BCL11B: variants seen among roughly 807,000 people sequenced by gnomAD.
The protein encoded by BCL11B is B-cell lymphoma/leukemia 11B.
BCL11B carries 8 observed loss-of-function variants against 49.9 expected under a neutral mutation model. The observed-to-expected ratio is 0.16, with a 90% confidence interval of 0.09 to 0.29. The LOEUF (loss-of-function observed/expected upper bound fraction) is 0.29, where lower values mean the gene tolerates loss of function less well. Ranked by LOEUF, BCL11B falls within the 10% of genes least tolerant of loss-of-function variation. The probability of loss-of-function intolerance (pLI) is 1.00; values close to 1 mark genes in which losing one functional copy is unlikely to be tolerated. For missense variants in BCL11B, 1,006 were observed against 1,351.0 expected (o/e 0.74, Z 4.00); for synonymous variants, 739 against 637.4 (o/e 1.16, Z -2.40).
Position 99,231,434 on chromosome 14 carries a change from G to C in BCL11B, c.551C>G (p.Pro184Arg), listed in dbSNP as rs368885255. 2 of 1,595,672 alleles carry C rather than the reference G, an allele frequency of 1.3e-6. No individual in the cohort carries two copies. Among genetic ancestry groups the C allele is most frequent in the South Asian group, 2.3e-5 (2 of 88,184 alleles). ...LGALPPCLPL[P>R]CCSARPVSGD... ...CGAGACCGGGCGCGCGCTGCAGCAC[G>C]GCAGGGGGAGGCAGGGCGGGAGAGC... Residue 184 changes from proline (P) to arginine (R), a missense_variant, in exon 3 of 4, where the codon CCG (proline) becomes CGG (arginine). Physicochemically the swap from Pro to Arg is moderately radical, Grantham distance 103. Transcript: ENST00000357195. The surrounding 1 kb of genome is among the most constrained non-coding windows in gnomAD (Gnocchi z 8.1).
At chr14:99,251,854 C>T (rs1253364228) in intron 2 of BCL11B, among the ~76,000 whole-genome samples, 2 of 152,174 alleles carry the variant, frequency 1.3e-5, no homozygotes, top group African/African-American at 2.4e-5. Context: ...ATACCCATCC[C>T]CAAAATCCTC....
chr14:99,255,405 GAAAA>G (rs67440207), intron 2 of BCL11B, among the ~76,000 whole-genome samples: 11,939 of 64,528 alleles, frequency 0.19, 502 homozygotes, highest in African/African-American at 0.28. Flanking sequence ...TCACAACCTG[GAAAA>G]AAAAAAAAAA....
At chr14:99,239,539 G>A (rs1213870268) in intron 2 of BCL11B, among the ~76,000 whole-genome samples, 1 of 152,078 alleles carries the variant, frequency 6.6e-6, no homozygotes, top group Non-Finnish European at 1.5e-5. Flanking sequence ...GCTGGGGGTG[G>A]GAGTGGAAAT....
intron 2 of BCL11B, among the ~76,000 whole-genome samples, chr14:99,245,945 G>A (rs963770599): frequency 3.3e-5 from 5 of 151,854 alleles, no homozygotes; most frequent in Admixed American, 2.6e-4. Flanking sequence ...GGGGACCGAC[G>A]GGGGCGGGGG....
At chr14:99,244,594 C>T (rs1010048971) in intron 2 of BCL11B, among the ~76,000 whole-genome samples, 1 of 152,152 alleles carries the variant, frequency 6.6e-6, no homozygotes, top group Non-Finnish European at 1.5e-5. Flanking sequence ...GAGAAATCAG[C>T]GAGCAAGTTC....
chr14:99,201,074 C>T (rs1162332222), intron 3 of BCL11B, among the ~76,000 whole-genome samples: 1 of 152,214 alleles, frequency 6.6e-6, no homozygotes, highest in African/African-American at 2.4e-5. Context: ...CCCACCAGGC[C>T]TCCAGCATTT....
chr14:99,191,989 A>G (rs934605264), intron 3 of BCL11B, among the ~76,000 whole-genome samples: 1 of 152,210 alleles, frequency 6.6e-6, no homozygotes, highest in Non-Finnish European at 1.5e-5. Context: ...TGATTTTTTT[A>G]AAAAACACGA....
intron 2 of BCL11B, among the ~76,000 whole-genome samples, chr14:99,254,328 G>A (rs558639367): frequency 3.9e-5 from 6 of 152,342 alleles, no homozygotes; most frequent in African/African-American, 1.4e-4. Flanking sequence ...GCTGATATGG[G>A]GTCCCCGACC....
chr14:99,199,200 C>T (rs185283521), intron 3 of BCL11B, among the ~76,000 whole-genome samples: 4 of 152,266 alleles, frequency 2.6e-5, no homozygotes, highest in African/African-American at 7.2e-5. Context: ...TGCTACAAAC[C>T]GAAGGTCAAC....
At position 99,172,262 on chromosome 14, in the gene BCL11B, C is replaced by A; in HGVS notation, c.*1889G>T. On this transcript the variant is annotated 3_prime_UTR_variant, in exon 4 of 4. Coordinates refer to ENST00000357195, the MANE Select transcript of BCL11B (RefSeq NM_138576.4). ...AATTCAGCAGTAAATCACCTCCACT[C>A]CATATCTAAGCAGCGTTGTCCCAAA... The A allele has an allele frequency of 4.4e-6, 1 of 226,614 alleles. No homozygotes were observed. The highest frequency in any genetic ancestry group is 8.8e-6 in the Non-Finnish European group (1 of 113,680). 14.0% of individuals were successfully genotyped at this position (226,614 alleles called of 1,614,324 possible). A position where few individuals can be genotyped will look rare whatever the true frequency, so the allele number is the denominator to read the frequency against.
At chr14:99,237,734 G>A (rs1888545644) in intron 2 of BCL11B, among the ~76,000 whole-genome samples, 2 of 152,200 alleles carry the variant, frequency 1.3e-5, no homozygotes, top group African/African-American at 2.4e-5. Flanking sequence ...TTCCTTCGGG[G>A]TCATTACACG....
chr14:99,200,536 C>G (rs1887348325), intron 3 of BCL11B, among the ~76,000 whole-genome samples: 1 of 152,240 alleles, frequency 6.6e-6, no homozygotes. Context: ...GGCATCTGTC[C>G]CTCAGAGAGG....
rs1888351680 is a variant in BCL11B at position 99,231,979 on chromosome 14, C to T, written c.428-422G>A. 1.3e-5 allele frequency among the ~76,000 whole-genome samples: 2 copies of T among 152,246 alleles called. No homozygotes were observed. The highest frequency in any genetic ancestry group is 4.8e-5 in the African/African-American group (2 of 41,566). On this transcript the variant is annotated intron_variant, in intron 2 of 3. Transcript: ENST00000357195. This position sits in a 1 kb window ranked among gnomAD's most constrained non-coding sequence, Gnocchi z 8.1. Reference sequence around the variant, plus strand: ...CCCTCCCTGGAAGAGCTGGGAAGCTCACAGCCTCCCCTGTTTGCTGTATCA... The same window carrying T: ...CCCTCCCTGGAAGAGCTGGGAAGCTTACAGCCTCCCCTGTTTGCTGTATCA...
At chr14:99,197,774 G>A (rs1490079786) in intron 3 of BCL11B, among the ~76,000 whole-genome samples, 4 of 152,162 alleles carry the variant, frequency 2.6e-5, no homozygotes, top group African/African-American at 4.8e-5. Flanking sequence ...CAGAGACGGA[G>A]GCCATCAACT....
intron 3 of BCL11B, among the ~76,000 whole-genome samples, chr14:99,225,284 T>C (rs190281092): frequency 1.4e-3 from 214 of 152,342 alleles, no homozygotes; most frequent in Non-Finnish European, 2.8e-3. Context: ...CCCATTTATA[T>C]AATGAAGAGG....
rs1232936203 is a variant in BCL11B, at chr14:99,192,615, A to ATGGGAAGGGACATGGCAACT, written c.641-16440_641-16421dup. Among the ~76,000 whole-genome samples the ATGGGAAGGGACATGGCAACT allele has an allele frequency of 6.6e-6, 1 of 152,026 alleles. No homozygotes were observed. Among genetic ancestry groups the ATGGGAAGGGACATGGCAACT allele is most frequent in the Non-Finnish European group, 1.5e-5 (1 of 68,016 alleles). ...GTGTACCAGACCGGCTGAAGTTTGG[A>ATGGGAAGGGACATGGCAACT]TGGGAAGGGACATGGCAACTTGGGA... On this transcript the variant is annotated intron_variant, in intron 3 of 3. Transcript: ENST00000357195. The surrounding 1 kb of genome is among the most constrained non-coding windows in gnomAD (Gnocchi z 4.0).
At chr14:99,211,994 T>C (rs1887702222) in intron 3 of BCL11B, among the ~76,000 whole-genome samples, 1 of 151,560 alleles carries the variant, frequency 6.6e-6, no homozygotes, top group Non-Finnish European at 1.5e-5. Flanking sequence ...AGCAGAAGAG[T>C]TGGTTCCAAA....
intron 3 of BCL11B, among the ~76,000 whole-genome samples, chr14:99,202,802 C>G (rs1887424230): frequency 6.6e-6 from 1 of 152,206 alleles, no homozygotes; most frequent in Non-Finnish European, 1.5e-5. Flanking sequence ...TAGAACAAGC[C>G]TGGGGTCTCA....
intron 3 of BCL11B, among the ~76,000 whole-genome samples, chr14:99,211,996 G>A (rs1411821117): frequency 1.3e-5 from 2 of 151,874 alleles, no homozygotes; most frequent in Non-Finnish European, 2.9e-5. Context: ...CAGAAGAGTT[G>A]GTTCCAAACT....
Sources: gnomAD v4.1 joint callset for allele counts (sites outside exome capture counted in the v4.1 genomes callset) on GRCh38, gnomAD v4.1.1 for gene constraint, Gnocchi (gnomAD v3.1) non-coding constraint, MANE v1.5 for transcripts, NCBI Gene and HGNC (gene_info 2026-07-23, HGNC 2026-07-21) for gene names.